DPYSL5: variants seen among roughly 807,000 people sequenced by gnomAD.
DPYSL5 encodes the protein dihydropyrimidinase-related protein 5.
DPYSL5 carries 9 observed loss-of-function variants against 58.4 expected under a neutral mutation model. That is an observed-to-expected ratio of 0.15 (90% confidence interval 0.09 to 0.27). The LOEUF is 0.27. Ranked by LOEUF, DPYSL5 falls within the 10% of genes least tolerant of loss-of-function variation. The pLI is 1.00. For synonymous variants in DPYSL5, 293 were observed against 301.9 expected (o/e 0.97, Z 0.31); for missense variants, 499 against 770.6 (o/e 0.65, Z 4.17).
intron 5 of DPYSL5, among the ~76,000 whole-genome samples, chr2:26,929,867 G>A (rs2384511): frequency 0.59 from 89,448 of 152,150 alleles, 26,665 homozygotes; most frequent in East Asian, 0.68. Context: ...CACATTAGAC[G>A]AATAACGCAT....
At chr2:26,946,874 G>A (rs773775684) in intron 12 of DPYSL5, 36 bp from the exon 13 acceptor site, 3 of 1,573,192 alleles carry the variant, frequency 1.9e-6, no homozygotes, top group Non-Finnish European at 2.6e-6. Flanking sequence ...GCAGGCACAA[G>A]AGCCCGTCTC....
rs1165795465 is a variant in DPYSL5 at position 26,849,546 on chromosome 2, G to C, written c.-5+1292G>C. On this transcript the variant is annotated intron_variant, in intron 1 of 12. Coordinates refer to ENST00000288699, the MANE Select transcript of DPYSL5 (RefSeq NM_020134.4). This position sits in a 1 kb window ranked among gnomAD's most constrained non-coding sequence, Gnocchi z 6.2. ...GCTTGAAACCAGCCGGTAGCGACTC[G>C]CTTAGGGTTTTGTGATCTTCCGCGG... Among the ~76,000 whole-genome samples, 1 of 152,158 alleles carries C rather than the reference G, an allele frequency of 6.6e-6. No individual in the cohort carries two copies. Among genetic ancestry groups the C allele is most frequent in the East Asian group, 1.9e-4 (1 of 5,144 alleles).
intron 9 of DPYSL5, 77 bp downstream of exon 9, chr2:26,940,249 A>C (rs1346042311): frequency 6.5e-7 from 1 of 1,537,384 alleles, no homozygotes; most frequent in Non-Finnish European, 8.8e-7. Context: ...TCCCAATAAG[A>C]GTATTCACTC....
intron 12 of DPYSL5, among the ~76,000 whole-genome samples, chr2:26,945,935 G>A (rs140275456): frequency 1.8e-3 from 277 of 152,330 alleles, no homozygotes; most frequent in African/African-American, 6.3e-3. Flanking sequence ...TGTGGCAGAA[G>A]AGATGAGGTC....
chr2:26,896,253 G>A (rs1024058165), intron 1 of DPYSL5, among the ~76,000 whole-genome samples: 1 of 152,044 alleles, frequency 6.6e-6, no homozygotes. Context: ...GTATTCTATT[G>A]TGTGTATATA....
chr2:26,872,706 T>C (rs1022234093), intron 1 of DPYSL5, among the ~76,000 whole-genome samples: 10 of 151,454 alleles, frequency 6.6e-5, no homozygotes, highest in African/African-American at 2.2e-4. Context: ...AAATTAATAA[T>C]ATTTTCCCAG....
At chr2:26,862,774 A>G (rs917340818) in intron 1 of DPYSL5, among the ~76,000 whole-genome samples, 9 of 152,160 alleles carry the variant, frequency 5.9e-5, no homozygotes. Context: ...GGGCAGCTGT[A>G]TTGACTAAGT....
intron 12 of DPYSL5, among the ~76,000 whole-genome samples, chr2:26,945,107 G>A (rs1181848150): frequency 6.6e-6 from 1 of 151,998 alleles, no homozygotes; most frequent in Non-Finnish European, 1.5e-5. Context: ...ACATCTTGAG[G>A]GCTGTGCACA....
chr2:26,904,077 T>C (rs1170064917), intron 2 of DPYSL5, among the ~76,000 whole-genome samples: 1 of 152,184 alleles, frequency 6.6e-6, no homozygotes, highest in African/African-American at 2.4e-5. Flanking sequence ...TCAAGAGTGC[T>C]TGTGCAGCAT....
At chr2:26,940,235 C>A in intron 9 of DPYSL5, 63 bp downstream of exon 9, 1 of 1,584,058 alleles carries the variant, frequency 6.3e-7, no homozygotes, top group Non-Finnish European at 8.6e-7. Context: ...CATCCCCGTT[C>A]TAATCCCAAT....
intron 1 of DPYSL5, among the ~76,000 whole-genome samples, chr2:26,853,141 T>TGA (rs1331359526): frequency 6.6e-6 from 1 of 152,198 alleles, no homozygotes; most frequent in African/African-American, 2.4e-5. Context: ...TTTTAGCAGC[T>TGA]GAGAACTTGG....
intron 1 of DPYSL5, among the ~76,000 whole-genome samples, chr2:26,872,528 A>G (rs1663292299): frequency 6.6e-6 from 1 of 152,122 alleles, no homozygotes; most frequent in South Asian, 2.1e-4. Flanking sequence ...CGTCTCTACT[A>G]AAAATACAAA....
At position 26,941,006 on chromosome 2, in the gene DPYSL5, G is replaced by C. The variant is rs547624081; in HGVS notation, c.1089+834G>C. On this transcript the variant is annotated intron_variant, in intron 9 of 12. Coordinates refer to ENST00000288699, the MANE Select transcript of DPYSL5 (RefSeq NM_020134.4). Reference sequence around the variant, plus strand: ...GGCTGGAGTACAATGGCGCTGTCTCGGCTCACTGCAACCTCCGCCTCCCGG... The same window carrying C: ...GGCTGGAGTACAATGGCGCTGTCTCCGCTCACTGCAACCTCCGCCTCCCGG... 2.0e-5 allele frequency among the ~76,000 whole-genome samples: 3 copies of C among 149,736 alleles called. No individual in the cohort carries two copies. In the East Asian group the frequency reaches 5.9e-4, roughly 29 times the overall value.
chr2:26,885,652 T>G (rs1028119114), intron 1 of DPYSL5, among the ~76,000 whole-genome samples: 1 of 152,162 alleles, frequency 6.6e-6, no homozygotes, highest in Non-Finnish European at 1.5e-5. Flanking sequence ...GGGTGTCTCA[T>G]GGTGGATGTA....
chr2:26,885,852 TC>T (rs1663705146), intron 1 of DPYSL5, among the ~76,000 whole-genome samples: 1 of 152,216 alleles, frequency 6.6e-6, no homozygotes, highest in Admixed American at 6.5e-5. Context: ...CCAGAATCCC[TC>T]AAAACATTTT....
intron 12 of DPYSL5, among the ~76,000 whole-genome samples, chr2:26,945,519 C>G (rs568427880): frequency 2.0e-5 from 3 of 151,306 alleles, no homozygotes; most frequent in South Asian, 2.1e-4. Context: ...CGTCCCCCCC[C>G]GCACCCATCA....
rs1262507048 is a variant in DPYSL5, at chr2:26,849,940, C to T, written c.-5+1686C>T. Among the ~76,000 whole-genome samples the T allele has an allele frequency of 6.6e-6, 1 of 152,204 alleles. No homozygotes were observed. The highest frequency in any genetic ancestry group is 2.4e-5 in the African/African-American group (1 of 41,464). ...GCGCTGTCCACCCGCTGCCGAGACGCGGCGTGGTTAGCGGCGCGGAGCTGC... is the reference window on the plus strand; with the variant it reads ...GCGCTGTCCACCCGCTGCCGAGACGTGGCGTGGTTAGCGGCGCGGAGCTGC... On this transcript the variant is annotated intron_variant, in intron 1 of 12. Coordinates refer to ENST00000288699, the MANE Select transcript of DPYSL5 (RefSeq NM_020134.4). The surrounding 1 kb of genome is among the most constrained non-coding windows in gnomAD (Gnocchi z 6.2).
chr2:26,891,504 A>C (rs1354431519), intron 1 of DPYSL5, among the ~76,000 whole-genome samples: 1 of 151,982 alleles, frequency 6.6e-6, no homozygotes, highest in Non-Finnish European at 1.5e-5. Context: ...AAATAGGCCG[A>C]GGTGGTGGCA....
chr2:26,898,041 C>T lies in DPYSL5; in HGVS notation c.-4-455C>T, dbSNP rs1247505126. On this transcript the variant is annotated intron_variant, in intron 1 of 12. Transcript: ENST00000288699. The surrounding 1 kb of genome is among the most constrained non-coding windows in gnomAD (Gnocchi z 6.1). ...AGAGGCTCTGGTGTTTTCAGGATAC[C>T]GTGCAGTGTAAGGGAGACATTTGTT... Among the ~76,000 whole-genome samples, 2 of 152,062 alleles carry T rather than the reference C, an allele frequency of 1.3e-5. No individual in the cohort carries two copies. The highest frequency in any genetic ancestry group is 1.5e-5 in the Non-Finnish European group (1 of 68,022).
Sources: gnomAD v4.1 joint callset for allele counts (sites outside exome capture counted in the v4.1 genomes callset) on GRCh38, gnomAD v4.1.1 for gene constraint, Gnocchi (gnomAD v3.1) non-coding constraint, MANE v1.5 for transcripts, NCBI Gene and HGNC (gene_info 2026-07-23, HGNC 2026-07-21) for gene names.